The following TNR variants were observed in gnomAD, a reference collection of about 807,000 sequenced individuals.
The protein encoded by TNR is tenascin-R.
Under a neutral mutation model 150.4 loss-of-function variants are expected in TNR, and 45 were observed. The ratio of observed to expected loss-of-function variants is 0.30; its 90% CI spans 0.24 to 0.38. TNR has a LOEUF of 0.38. TNR is among the 10% of genes least tolerant of loss of function. The pLI is 1.00. For synonymous variants in TNR, 687 were observed against 678.4 expected (o/e 1.01, Z -0.20); for missense variants, 1,544 against 1,759.1 (o/e 0.88, Z 2.19).
At chr1:175,681,252 G>C (rs1666024942) in intron 1 of TNR, among the ~76,000 whole-genome samples, 1 of 152,316 alleles carries the variant, frequency 6.6e-6, no homozygotes, top group Non-Finnish European at 1.5e-5. Context: ...CATCAGTGCA[G>C]GAGGCCACGT....
intron 2 of TNR, among the ~76,000 whole-genome samples, chr1:175,527,122 C>T (rs1356103595): frequency 2.0e-5 from 3 of 152,190 alleles, no homozygotes; most frequent in Admixed American, 6.5e-5. Context: ...CAACCTTAGC[C>T]GTTGGTACAC....
intron 5 of TNR, among the ~76,000 whole-genome samples, chr1:175,394,902 G>A (rs180962922): frequency 1.6e-4 from 25 of 152,314 alleles, no homozygotes; most frequent in African/African-American, 5.8e-4. Context: ...CACTGTGCAT[G>A]CATGTGGATC....
chr1:175,463,689 A>G (rs1048285484), intron 2 of TNR, among the ~76,000 whole-genome samples: 1 of 152,200 alleles, frequency 6.6e-6, no homozygotes, highest in Non-Finnish European at 1.5e-5. Flanking sequence ...CCATATGCCC[A>G]TTTCCATGAC....
chr1:175,650,622 C>G (rs2101888085), intron 1 of TNR, among the ~76,000 whole-genome samples: 1 of 151,236 alleles, frequency 6.6e-6, no homozygotes, highest in South Asian at 2.1e-4. Context: ...CTTTCTCCTC[C>G]TCCCCCACCT....
At chr1:175,593,767 C>T (rs1662899476) in intron 1 of TNR, among the ~76,000 whole-genome samples, 1 of 152,128 alleles carries the variant, frequency 6.6e-6, no homozygotes, top group African/African-American at 2.4e-5. Context: ...TGTCTTCTGC[C>T]TGGCAAGTAG....
intron 1 of TNR, among the ~76,000 whole-genome samples, chr1:175,605,600 A>G (rs1378124847): frequency 2.6e-5 from 4 of 152,272 alleles, no homozygotes; most frequent in Non-Finnish European, 1.5e-5. Context: ...TGAAGGAAGC[A>G]CAGGTAGGGC....
chr1:175,411,828 C>G (rs1490310471), intron 2 of TNR, among the ~76,000 whole-genome samples: 2 of 152,052 alleles, frequency 1.3e-5, no homozygotes, highest in Non-Finnish European at 2.9e-5. Context: ...TTCAACACGT[C>G]TTCTTTGGAA....
chr1:175,702,204 C>T (rs989129836), intron 1 of TNR, among the ~76,000 whole-genome samples: 4 of 152,194 alleles, frequency 2.6e-5, no homozygotes, highest in South Asian at 4.1e-4. Context: ...TGGGACCCCG[C>T]TCTGCAATTT....
intron 1 of TNR, among the ~76,000 whole-genome samples, chr1:175,583,255 AG>A (rs774354520): frequency 1.3e-5 from 2 of 152,174 alleles, no homozygotes; most frequent in Non-Finnish European, 2.9e-5. Context: ...GAGACCTTCC[AG>A]GGTAGCCAGG....
intron 2 of TNR, among the ~76,000 whole-genome samples, chr1:175,516,211 T>G (rs1298421226): frequency 6.6e-6 from 1 of 152,218 alleles, no homozygotes; most frequent in Non-Finnish European, 1.5e-5. Flanking sequence ...CTGAAATGAT[T>G]AACATAAGAG....
chr1:175,731,403 G>T (rs1049710719), intron 1 of TNR, among the ~76,000 whole-genome samples: 3 of 152,106 alleles, frequency 2.0e-5, no homozygotes, highest in Non-Finnish European at 2.9e-5. Flanking sequence ...CTTCACCAAT[G>T]GTTGTGCAGA....
At chr1:175,519,790 A>G (rs1193271882) in intron 2 of TNR, among the ~76,000 whole-genome samples, 1 of 152,200 alleles carries the variant, frequency 6.6e-6, no homozygotes, top group Non-Finnish European at 1.5e-5. Context: ...ACATGCTTTC[A>G]TCATTGCACA....
chr1:175,433,858 C>A (rs770400431), intron 2 of TNR, among the ~76,000 whole-genome samples: 4 of 152,186 alleles, frequency 2.6e-5, no homozygotes, highest in African/African-American at 7.2e-5. Flanking sequence ...CCATCCATTG[C>A]GTCACGGAGA....
chr1:175,641,910 G>T, intron 1 of TNR, among the ~76,000 whole-genome samples: 1 of 152,174 alleles, frequency 6.6e-6, no homozygotes, highest in Admixed American at 6.5e-5. Context: ...ATGTACTTCG[G>T]TTCAGTTTAA....
At chr1:175,554,020 T>C (rs931901102) in intron 1 of TNR, among the ~76,000 whole-genome samples, 3 of 152,168 alleles carry the variant, frequency 2.0e-5, no homozygotes, top group African/African-American at 7.2e-5. Context: ...CCACCTTTCT[T>C]CTCTCATGGG....
At chr1:175,336,801 T>C (rs1301928064) in intron 19 of TNR, among the ~76,000 whole-genome samples, 1 of 152,160 alleles carries the variant, frequency 6.6e-6, no homozygotes, top group African/African-American at 2.4e-5. Flanking sequence ...CTTTCCCAAC[T>C]GCAATCCTCA....
At chr1:175,519,557 C>T (rs751022900) in intron 2 of TNR, among the ~76,000 whole-genome samples, 10 of 152,226 alleles carry the variant, frequency 6.6e-5, no homozygotes, top group African/African-American at 7.2e-5. Flanking sequence ...TCAAGCTCTT[C>T]CTCTTCATGG....
At chr1:175,510,102 G>T (rs1161800058) in intron 2 of TNR, among the ~76,000 whole-genome samples, 2 of 152,010 alleles carry the variant, frequency 1.3e-5, no homozygotes, top group African/African-American at 4.8e-5. Flanking sequence ...GGTGGTGCAT[G>T]CCTGTAGTCC....
At chr1:175,395,945 T>C (rs942283644) in intron 5 of TNR, among the ~76,000 whole-genome samples, 1 of 152,202 alleles carries the variant, frequency 6.6e-6, no homozygotes, top group Non-Finnish European at 1.5e-5. Context: ...TCTGTCTCCA[T>C]CTCTCTCTTT....
Sources: allele counts gnomAD v4.1 joint callset (sites outside exome capture counted in the v4.1 genomes callset), GRCh38; gene constraint gnomAD v4.1.1; transcripts MANE v1.5; gene names NCBI Gene and HGNC (gene_info 2026-07-23, HGNC 2026-07-21).